STK32B: variants seen among roughly 807,000 people sequenced by gnomAD.
The protein encoded by STK32B is serine/threonine kinase 32B, also known as serine/threonine-protein kinase 32B.
Under a neutral mutation model 52.6 loss-of-function variants are expected in STK32B, and 43 were observed. That is an observed-to-expected ratio of 0.82 (90% CI 0.64 to 1.05). The LOEUF is 1.05. Among genes scored for constraint, STK32B ranks in the 50% least tolerant of loss-of-function variants. STK32B has a pLI of 0.00. For synonymous variants in STK32B, 238 were observed against 204.3 expected (o/e 1.17, Z -1.41); for missense variants, 621 against 534.6 (o/e 1.16, Z -1.59).
At chr4:5,373,907 G>T (rs1262328334) in intron 4 of STK32B, among the ~76,000 whole-genome samples, 1 of 152,186 alleles carries the variant, frequency 6.6e-6, no homozygotes, top group Non-Finnish European at 1.5e-5. Context: ...ATTGAATTGT[G>T]TTCCCCCAAA....
rs777532315 is a variant in STK32B at position 5,466,837 on chromosome 4, G to A, written c.1041+3G>A. The A allele has an allele frequency of 1.9e-6, 3 of 1,612,812 alleles. No individual in the cohort carries two copies. The highest frequency in any genetic ancestry group is 8.5e-7 in the Non-Finnish European group (1 of 1,179,444). Reference sequence around the variant, plus strand: ...GCACAAAGGACAGCTGCCCGCTGGTGAGTGCTTCGTGGGAGCCGTTCCGGG... The same window carrying A: ...GCACAAAGGACAGCTGCCCGCTGGTAAGTGCTTCGTGGGAGCCGTTCCGGG... On this transcript the variant is annotated splice_donor_region_variant and intron_variant, in intron 10 of 11. Transcript: ENST00000282908.
rs78437548 is a variant in STK32B, at chr4:5,277,295, T to A, written c.261-53925T>A. ...ATTTGTGCAAGTGCATAACTCACTCTTTCTTTTCAGCAAAGGACAATGGAG... is the reference window on the plus strand; with the variant it reads ...ATTTGTGCAAGTGCATAACTCACTCATTCTTTTCAGCAAAGGACAATGGAG... On this transcript the variant is annotated intron_variant, in intron 3 of 11. Coordinates refer to ENST00000282908, the MANE Select transcript of STK32B (RefSeq NM_018401.3). 3.8e-3 allele frequency among the ~76,000 whole-genome samples: 574 copies of A among 152,366 alleles called. 15 individuals carry two copies. The East Asian group carries it at 0.071, about 19-fold the overall frequency.
Position 5,499,103 on chromosome 4 carries a change from C to T in STK32B, c.*20C>T. The T allele has an allele frequency of 1.2e-6, 2 of 1,602,502 alleles. No homozygotes were observed. The highest frequency in any genetic ancestry group is 1.3e-5 in the African/African-American group (1 of 74,714). On this transcript the variant is annotated 3_prime_UTR_variant, in exon 12 of 12. Transcript: ENST00000282908. ...AGCTGAGCCCACACTTGTTGCTGCT[C>T]AACAGGACTGCACTCGTCTCTGCCC...
At chr4:5,315,342 A>C (rs1424210369) in intron 3 of STK32B, among the ~76,000 whole-genome samples, 1 of 152,160 alleles carries the variant, frequency 6.6e-6, no homozygotes, top group East Asian at 1.9e-4. Context: ...AAACAAACAG[A>C]TCTGTATGTA....
At chr4:5,301,239 T>G (rs1394563857) in intron 3 of STK32B, among the ~76,000 whole-genome samples, 2 of 152,052 alleles carry the variant, frequency 1.3e-5, no homozygotes, top group African/African-American at 2.4e-5. Context: ...GTAGTTTTCT[T>G]TCTTATGATG....
intron 3 of STK32B, among the ~76,000 whole-genome samples, chr4:5,301,563 A>C (rs532395943): frequency 6.6e-6 from 1 of 151,630 alleles, no homozygotes; most frequent in South Asian, 2.1e-4. Flanking sequence ...GTTGGCATAA[A>C]ATTTCTTATA....
rs1160098280 is a variant in STK32B at position 5,105,779 on chromosome 4, G to C, written c.53-34126G>C. On this transcript the variant is annotated intron_variant, in intron 1 of 11. Transcript: ENST00000282908. ...AGGGTTTCACTGTGTTAGCCAGGAT[G>C]GTCTCGATCTCCTGACCTAGTGATC... is the stretch of plus-strand genomic sequence containing the variant. Among the ~76,000 whole-genome samples the C allele has an allele frequency of 2.6e-5, 4 of 151,916 alleles. 1 individual carries two copies. In the Middle Eastern group the frequency reaches 0.014, roughly 517 times the overall value.
chr4:5,228,965 C>T (rs1227126555), intron 3 of STK32B, among the ~76,000 whole-genome samples: 4 of 151,482 alleles, frequency 2.6e-5, no homozygotes, highest in Admixed American at 2.6e-4. Flanking sequence ...GAAACTCCGT[C>T]TCAAAAGAAA....
intron 1 of STK32B, among the ~76,000 whole-genome samples, chr4:5,061,354 C>T (rs971514298): frequency 1.3e-5 from 2 of 152,068 alleles, no homozygotes; most frequent in African/African-American, 4.8e-5. Context: ...CTTTCAAATT[C>T]CTGCTGAAAT....
At chr4:5,344,249 A>T (rs73794574) in intron 4 of STK32B, among the ~76,000 whole-genome samples, 1 of 152,300 alleles carries the variant, frequency 6.6e-6, no homozygotes, top group African/African-American at 2.4e-5. Flanking sequence ...TACTAATCAA[A>T]GTGGGTTTGG....
chr4:5,371,553 C>T (rs544949685), intron 4 of STK32B, among the ~76,000 whole-genome samples: 14 of 152,236 alleles, frequency 9.2e-5, no homozygotes, highest in East Asian at 7.7e-4. Context: ...TTCCCTCGCG[C>T]GGTTGTTGTA....
At position 5,418,773 on chromosome 4, in the gene STK32B, C is replaced by T. The variant is rs185018712; in HGVS notation, c.562+1839C>T. On this transcript the variant is annotated intron_variant, in intron 6 of 11. Transcript: ENST00000282908. ...TGGCCAGGTTGTGCCTTATAAGGCA[C>T]TGTATATTGAATTAAACAACCAAAA... 3.0e-3 allele frequency among the ~76,000 whole-genome samples: 458 copies of T among 152,346 alleles called. 2 individuals are homozygous for T. Among genetic ancestry groups the T allele is most frequent in the African/African-American group, 0.01 (428 of 41,586 alleles).
intron 7 of STK32B, 55 bp from the exon 8 acceptor site, chr4:5,456,752 A>C: frequency 7.0e-7 from 1 of 1,430,350 alleles, no homozygotes; most frequent in Non-Finnish European, 9.6e-7. Flanking sequence ...TAAAATGCGG[A>C]CGGTGCCTTC....
intron 3 of STK32B, among the ~76,000 whole-genome samples, chr4:5,244,687 CT>C (rs1447062692): frequency 6.6e-6 from 1 of 152,136 alleles, no homozygotes; most frequent in African/African-American, 2.4e-5. Flanking sequence ...AATTTTAGAT[CT>C]TTCCTGCTTT....
intron 1 of STK32B, among the ~76,000 whole-genome samples, chr4:5,093,120 A>C (rs1713186086): frequency 6.6e-6 from 1 of 152,220 alleles, no homozygotes; most frequent in Non-Finnish European, 1.5e-5. Flanking sequence ...TTGCAGAAGA[A>C]AAACTTGTGT....
At chr4:5,430,924 T>C (rs2109091173) in intron 6 of STK32B, among the ~76,000 whole-genome samples, 1 of 152,362 alleles carries the variant, frequency 6.6e-6, no homozygotes, top group African/African-American at 2.4e-5. Flanking sequence ...TCTCTAGCAA[T>C]AGGCTTCTGT....
chr4:5,256,452 C>T (rs1199583226), intron 3 of STK32B, among the ~76,000 whole-genome samples: 1 of 152,316 alleles, frequency 6.6e-6, no homozygotes, highest in African/African-American at 2.4e-5. Context: ...CCAGAGCAAG[C>T]AGTCTTCAAG....
chr4:5,383,247 C>A (rs1736042820), intron 4 of STK32B, among the ~76,000 whole-genome samples: 1 of 152,086 alleles, frequency 6.6e-6, no homozygotes, highest in African/African-American at 2.4e-5. Context: ...CATACGTATT[C>A]ATGCTGTGCC....
chr4:5,064,868 TA>T (rs1402468808), intron 1 of STK32B, among the ~76,000 whole-genome samples: 3 of 145,078 alleles, frequency 2.1e-5, no homozygotes, highest in Non-Finnish European at 4.5e-5. Context: ...ATATAATATA[TA>T]AAAATATATT....
Sources: gnomAD v4.1 joint callset for allele counts (sites outside exome capture counted in the v4.1 genomes callset) on GRCh38, gnomAD v4.1.1 for gene constraint, MANE v1.5 for transcripts, NCBI Gene and HGNC (gene_info 2026-07-23, HGNC 2026-07-21) for gene names.